The following SGCZ variants were observed in gnomAD, a reference collection of about 807,000 sequenced individuals.
The protein encoded by SGCZ is sarcoglycan zeta.
A neutral mutation model predicts 41.3 loss-of-function variants in SGCZ; 40 were observed. That is an observed-to-expected ratio of 0.97 (90% CI 0.75 to 1.26). SGCZ has a LOEUF of 1.26. Among genes scored for constraint, SGCZ ranks in the 50% most tolerant of loss-of-function variants. The pLI, the probability that SGCZ is intolerant of heterozygous loss-of-function variation, is 0.00. For missense variants in SGCZ, 552 were observed against 369.8 expected (o/e 1.49, Z -4.04); for synonymous variants, 206 against 137.5 (o/e 1.50, Z -3.49).
rs542693731 is a variant in SGCZ, at chr8:15,211,046, T to G, written c.39+26539A>C. On this transcript the variant is annotated intron_variant, in intron 1 of 7. Coordinates refer to ENST00000382080, the MANE Select transcript of SGCZ (RefSeq NM_139167.4). The stretch of plus-strand genomic sequence containing the variant: ...ATATATACATATATAGATATAGATA[T>G]AGATAGATATAGATATACATAGATA... Among the ~76,000 whole-genome samples the G allele has an allele frequency of 1.1e-4, 16 of 146,806 alleles. No individual in the cohort carries two copies. In the South Asian group the frequency reaches 3.4e-3, roughly 31 times the overall value.
At chr8:14,118,319 C>G (rs1802587653) in intron 5 of SGCZ, among the ~76,000 whole-genome samples, 1 of 152,164 alleles carries the variant, frequency 6.6e-6, no homozygotes, top group Non-Finnish European at 1.5e-5. Context: ...CTCTAATGAC[C>G]AGTGATGGTG....
Position 14,449,847 on chromosome 8 carries a change from G to C in SGCZ, c.234+104885C>G, listed in dbSNP as rs560510103. ...TGGAAGGTCCAAGAACTGCAACTGA[G>C]ATGAATTAGTATTGGATTCACCCCA... On this transcript the variant is annotated intron_variant, in intron 2 of 7. Transcript: ENST00000382080. Among the ~76,000 whole-genome samples the C allele has an allele frequency of 6.4e-4, 98 of 152,264 alleles. 1 individual carries two copies. The highest frequency in any genetic ancestry group is 2.3e-3 in the African/African-American group (96 of 41,558).
At chr8:14,264,784 AC>A (rs1375992243) in intron 3 of SGCZ, among the ~76,000 whole-genome samples, 1 of 152,010 alleles carries the variant, frequency 6.6e-6, no homozygotes, top group African/African-American at 2.4e-5. Flanking sequence ...ACACGGTGAA[AC>A]CCCGTCTCTA....
chr8:14,843,917 C>G (rs891708686), intron 1 of SGCZ, among the ~76,000 whole-genome samples: 6 of 151,514 alleles, frequency 4.0e-5, no homozygotes, highest in Non-Finnish European at 8.8e-5. Context: ...GAACACTGTA[C>G]TATGCCTGAA....
intron 2 of SGCZ, among the ~76,000 whole-genome samples, chr8:14,402,156 T>C (rs1799095308): frequency 6.6e-6 from 1 of 152,168 alleles, no homozygotes; most frequent in South Asian, 2.1e-4. Context: ...TCTTGTAAAT[T>C]TGACTGAGTT....
chr8:14,510,385 T>C (rs1350572128), intron 2 of SGCZ, among the ~76,000 whole-genome samples: 2 of 152,072 alleles, frequency 1.3e-5, no homozygotes, highest in Non-Finnish European at 2.9e-5. Flanking sequence ...TGTTTTGTAA[T>C]GTATAAAGGT....
At chr8:14,189,229 G>T (rs1475017182) in intron 4 of SGCZ, among the ~76,000 whole-genome samples, 1 of 152,014 alleles carries the variant, frequency 6.6e-6, no homozygotes, top group Non-Finnish European at 1.5e-5. Flanking sequence ...ATCTTAGTGG[G>T]TAACTCTGCT....
chr8:14,797,525 G>A (rs1156905044), intron 1 of SGCZ, among the ~76,000 whole-genome samples: 1 of 152,160 alleles, frequency 6.6e-6, no homozygotes, highest in Non-Finnish European at 1.5e-5. Flanking sequence ...CAAGAGGATG[G>A]CTAGCATAAA....
intron 1 of SGCZ, among the ~76,000 whole-genome samples, chr8:14,569,838 T>G (rs1383624721): frequency 6.6e-6 from 1 of 151,950 alleles, no homozygotes; most frequent in African/African-American, 2.4e-5. Flanking sequence ...GGGGCTGAAA[T>G]ACTTGTTCAG....
intron 1 of SGCZ, among the ~76,000 whole-genome samples, chr8:15,224,166 T>C (rs1421713817): frequency 6.6e-6 from 1 of 152,174 alleles, no homozygotes; most frequent in Non-Finnish European, 1.5e-5. Flanking sequence ...AAAAAGCTTC[T>C]TTAAAAAGAC....
At chr8:14,920,415 G>C (rs1799556111) in intron 1 of SGCZ, among the ~76,000 whole-genome samples, 1 of 152,186 alleles carries the variant, frequency 6.6e-6, no homozygotes, top group Non-Finnish European at 1.5e-5. Context: ...AAAGTTCTGA[G>C]CCACTTACAA....
chr8:14,374,980 G>A (rs1468604260), intron 2 of SGCZ, among the ~76,000 whole-genome samples: 1 of 152,130 alleles, frequency 6.6e-6, no homozygotes, highest in East Asian at 1.9e-4. Context: ...AAGGTTTCAG[G>A]TTTTGGCAAT....
chr8:15,027,588 G>C (rs1000926094), intron 1 of SGCZ, among the ~76,000 whole-genome samples: 2 of 151,982 alleles, frequency 1.3e-5, no homozygotes, highest in African/African-American at 2.4e-5. Flanking sequence ...AAGATGTGGA[G>C]AAGTCACACA....
At chr8:14,290,098 AC>A (rs1007593731) in intron 3 of SGCZ, among the ~76,000 whole-genome samples, 3 of 152,106 alleles carry the variant, frequency 2.0e-5, no homozygotes, top group African/African-American at 4.8e-5. Context: ...TATGGGGATT[AC>A]AACTTGAGAT....
intron 1 of SGCZ, among the ~76,000 whole-genome samples, chr8:14,673,145 G>C (rs1290141907): frequency 2.0e-5 from 3 of 152,158 alleles, no homozygotes; most frequent in South Asian, 4.1e-4. Flanking sequence ...ATACAACATA[G>C]TGAGTGTTAT....
intron 3 of SGCZ, among the ~76,000 whole-genome samples, chr8:14,317,172 G>A (rs948159149): frequency 3.9e-5 from 6 of 151,976 alleles, no homozygotes; most frequent in Admixed American, 6.6e-5. Context: ...AACATTTAGC[G>A]CAATGTTTGG....
intron 1 of SGCZ, among the ~76,000 whole-genome samples, chr8:14,918,339 A>G (rs538897700): frequency 6.6e-6 from 1 of 151,078 alleles, no homozygotes; most frequent in African/African-American, 2.4e-5. Flanking sequence ...ATTTAAGAAC[A>G]TTTTCTTCTT....
chr8:14,085,819 T>G lies in SGCZ; in HGVS notation c.*4624A>C, dbSNP rs1205485278. ...ACAACTCAGGATCCTCCAAGAAGGA[T>G]GTTTACTACCTCATGTTATAATTAT... On this transcript the variant is annotated 3_prime_UTR_variant, in exon 8 of 8. Coordinates refer to ENST00000382080, the MANE Select transcript of SGCZ (RefSeq NM_139167.4). 6.6e-6 allele frequency among the ~76,000 whole-genome samples: 1 copy of G among 151,804 alleles called. No homozygotes were observed. Among genetic ancestry groups the G allele is most frequent in the Non-Finnish European group, 1.5e-5 (1 of 67,812 alleles).
At chr8:14,569,341 G>T (rs1186843181) in intron 1 of SGCZ, among the ~76,000 whole-genome samples, 1 of 151,960 alleles carries the variant, frequency 6.6e-6, no homozygotes, top group African/African-American at 2.4e-5. Flanking sequence ...TTTTCACATA[G>T]ATCTCTTTGT....
Sources: gnomAD v4.1 joint callset for allele counts (sites outside exome capture counted in the v4.1 genomes callset) on GRCh38, gnomAD v4.1.1 for gene constraint, MANE v1.5 for transcripts, NCBI Gene and HGNC (gene_info 2026-07-23, HGNC 2026-07-21) for gene names.